Variants in ZNF529 observed in about 807,000 individuals in gnomAD.
ZNF529 encodes zinc finger protein 529.
ZNF529 carries 11 observed loss-of-function variants against 10.1 expected under a neutral mutation model. The ratio of observed to expected loss-of-function variants is 1.09; its 90% CI spans 0.69 to 1.81. The LOEUF is 1.81. Ranked by LOEUF, ZNF529 falls within the 40% of genes most tolerant of loss-of-function variation. The pLI is 0.00. For missense variants in ZNF529, 624 were observed against 666.8 expected (o/e 0.94, Z 0.71); for synonymous variants, 204 against 215.7 (o/e 0.95, Z 0.47).
At chr19:36,556,034 G>A in intron 3 of ZNF529, 70 bp downstream of exon 3, 1 of 1,491,254 alleles carries the variant, frequency 6.7e-7, no homozygotes, top group Non-Finnish European at 9.1e-7. Flanking sequence ...CAGGTTCTTT[G>A]ACAGAGGTGT....
At chr19:36,605,199 T>G (rs994337348) in exon 1 of ZNF529, 5 of 152,182 alleles carry the variant, frequency 3.3e-5, no homozygotes, top group Non-Finnish European at 7.3e-5. Context: ...CCAGCCGCAA[T>G]AGGGCGGCCG....
intron 2 of ZNF529, among the ~76,000 whole-genome samples, chr19:36,583,587 G>A (rs2036517959): frequency 6.7e-6 from 1 of 149,318 alleles, no homozygotes; most frequent in South Asian, 2.1e-4. Flanking sequence ...AACCATCACA[G>A]GAGGGTCAGC....
chr19:36,582,531 C>T (rs1240690227), intron 2 of ZNF529: 1 of 151,724 alleles, frequency 6.6e-6, no homozygotes, highest in Non-Finnish European at 1.5e-5. Context: ...TGGTGAAACC[C>T]CATCTCTACT....
chr19:36,590,212 C>A (rs1305152702), intron 1 of ZNF529, among the ~76,000 whole-genome samples: 1 of 151,832 alleles, frequency 6.6e-6, no homozygotes, highest in Non-Finnish European at 1.5e-5. Flanking sequence ...CTACAAAATA[C>A]AAAAATTAAC....
At chr19:36,570,224 TGTG>T (rs1304709959) in intron 2 of ZNF529, among the ~76,000 whole-genome samples, 2 of 151,448 alleles carry the variant, frequency 1.3e-5, no homozygotes, top group Non-Finnish European at 2.9e-5. Context: ...AGCCGGGTGT[TGTG>T]GTGTGTGCCT....
At chr19:36,566,641 C>T (rs572625516) in intron 2 of ZNF529, among the ~76,000 whole-genome samples, 9 of 151,830 alleles carry the variant, frequency 5.9e-5, no homozygotes, top group African/African-American at 2.2e-4. Flanking sequence ...TCACTTGAGC[C>T]CAGGCAGTTG....
At chr19:36,576,126 C>T (rs1195119558), upstream of ZNF529, among the ~76,000 whole-genome samples, 1 of 152,006 alleles carries the variant, frequency 6.6e-6, no homozygotes, top group Non-Finnish European at 1.5e-5. Context: ...GGATTACAGG[C>T]GTGAGCCACT....
At chr19:36,549,552 GTATATT>G (rs2035182360) in intron 4 of ZNF529, among the ~76,000 whole-genome samples, 2 of 152,064 alleles carry the variant, frequency 1.3e-5, no homozygotes, top group Non-Finnish European at 2.9e-5. Flanking sequence ...GATTACATAT[GTATATT>G]TATAATACAG....
intron 2 of ZNF529, among the ~76,000 whole-genome samples, chr19:36,569,254 C>A (rs965399395): frequency 2.0e-5 from 3 of 151,998 alleles, no homozygotes; most frequent in African/African-American, 7.3e-5. Flanking sequence ...CAAAAGACTG[C>A]AAGGCATACA....
chr19:36,550,461 G>A (rs545493375), intron 4 of ZNF529, among the ~76,000 whole-genome samples: 1 of 152,090 alleles, frequency 6.6e-6, no homozygotes, highest in South Asian at 2.1e-4. Context: ...CAGGAGAATC[G>A]CTCAAACCTG....
At chr19:36,603,576 T>C (rs1469689234) in intron 1 of ZNF529, among the ~76,000 whole-genome samples, 1 of 152,192 alleles carries the variant, frequency 6.6e-6, no homozygotes, top group East Asian at 1.9e-4. Flanking sequence ...CTCTCAGAGC[T>C]CTTCTCTTGG....
chr19:36,573,991 G>T (rs1568606209), upstream of ZNF529, among the ~76,000 whole-genome samples: 1 of 140,646 alleles, frequency 7.1e-6, no homozygotes, highest in African/African-American at 2.5e-5. Context: ...CGGCGGTTCA[G>T]TGTGTGTGTG....
At chr19:36,584,622 C>T (rs970445809) in intron 2 of ZNF529, among the ~76,000 whole-genome samples, 1 of 151,920 alleles carries the variant, frequency 6.6e-6, no homozygotes, top group Non-Finnish European at 1.5e-5. Context: ...CAAAAATCAG[C>T]TGGGTGTGGT....
intron 4 of ZNF529, among the ~76,000 whole-genome samples, chr19:36,551,291 G>A (rs2035247522): frequency 6.6e-6 from 1 of 152,182 alleles, no homozygotes; most frequent in African/African-American, 2.4e-5. Flanking sequence ...CTGGGATAGG[G>A]AGGGTATGGA....
At chr19:36,559,681 C>T (rs536879976) in intron 2 of ZNF529, among the ~76,000 whole-genome samples, 8 of 152,222 alleles carry the variant, frequency 5.3e-5, no homozygotes, top group African/African-American at 1.9e-4. Flanking sequence ...GTATGGAAAC[C>T]TAAGTGTCCA....
At chr19:36,564,773 T>C (rs2035835612) in intron 2 of ZNF529, among the ~76,000 whole-genome samples, 1 of 152,102 alleles carries the variant, frequency 6.6e-6, no homozygotes, top group Non-Finnish European at 1.5e-5. Context: ...AATAAATCAT[T>C]TTACAAAAAA....
chr19:36,579,454 A>C (rs970227736), intron 2 of ZNF529, among the ~76,000 whole-genome samples: 1 of 152,258 alleles, frequency 6.6e-6, no homozygotes, highest in Non-Finnish European at 1.5e-5. Context: ...AGGTGATTGC[A>C]TCATGCAAGC....
intron 1 of ZNF529, among the ~76,000 whole-genome samples, chr19:36,593,367 C>T (rs1367104081): frequency 6.6e-6 from 1 of 152,108 alleles, no homozygotes; most frequent in Non-Finnish European, 1.5e-5. Context: ...GGAGTTTCCA[C>T]CATGTTGCCC....
upstream of ZNF529, among the ~76,000 whole-genome samples, chr19:36,576,721 T>TAAC (rs745849479): frequency 1.3e-5 from 2 of 149,654 alleles, no homozygotes; most frequent in African/African-American, 4.9e-5. Context: ...CGTCTCAAAA[T>TAAC]AATAATAATA....
Sources: gnomAD v4.1 joint callset for allele counts (sites outside exome capture counted in the v4.1 genomes callset) on GRCh38, gnomAD v4.1.1 for gene constraint, MANE v1.5 for transcripts, NCBI Gene and HGNC (gene_info 2026-07-23, HGNC 2026-07-21) for gene names.